LYZL4: variants seen among roughly 807,000 people sequenced by gnomAD.
The protein encoded by LYZL4 is lysozyme like 4.
LYZL4 carries 13 observed loss-of-function variants against 17.6 expected under a neutral mutation model. That is an observed-to-expected ratio of 0.74 (90% confidence interval 0.48 to 1.18). LYZL4 has a LOEUF of 1.18. LYZL4 is among the 50% of genes most tolerant of loss of function. LYZL4 has a pLI of 0.00. For synonymous variants in LYZL4, 64 were observed against 67.7 expected (o/e 0.95, Z 0.27); for missense variants, 174 against 188.2 (o/e 0.92, Z 0.44).
At chr3:42,406,395 C>T (rs922750588) in intron 3 of LYZL4, among the ~76,000 whole-genome samples, 7 of 139,046 alleles carry the variant, frequency 5.0e-5, no homozygotes, top group Non-Finnish European at 6.1e-5. Flanking sequence ...TGGAGCTTGC[C>T]GTGAGCCGAG....
At chr3:42,371,222 TA>T in the LYZL4 span, among the ~76,000 whole-genome samples, 1 of 152,214 alleles carries the variant, frequency 6.6e-6, no homozygotes, top group African/African-American at 2.4e-5. Flanking sequence ...TGCTGTGGTT[TA>T]TTGCCTTACT....
chr3:42,385,869 A>T, the LYZL4 span, among the ~76,000 whole-genome samples: 1 of 152,200 alleles, frequency 6.6e-6, no homozygotes, highest in African/African-American at 2.4e-5. Context: ...GTTGGTTTCT[A>T]TTGCTGCTGT....
At chr3:42,384,176 A>G in the LYZL4 span, among the ~76,000 whole-genome samples, 1 of 152,200 alleles carries the variant, frequency 6.6e-6, no homozygotes, top group African/African-American at 2.4e-5. Context: ...TTCTAGAGGA[A>G]AATTATTTTT....
At chr3:42,403,595 G>A (rs139426223) in intron 4 of LYZL4, among the ~76,000 whole-genome samples, 14 of 152,068 alleles carry the variant, frequency 9.2e-5, no homozygotes, top group East Asian at 7.7e-4. Flanking sequence ...CCTTTAAATC[G>A]CAAAAATGTT....
At chr3:42,381,379 G>A in the LYZL4 span, among the ~76,000 whole-genome samples, 3 of 152,090 alleles carry the variant, frequency 2.0e-5, no homozygotes, top group Admixed American at 1.3e-4. Context: ...TGCCCCCCAG[G>A]AATGAACTAA....
At chr3:42,366,024 T>C in the LYZL4 span, among the ~76,000 whole-genome samples, 2 of 152,088 alleles carry the variant, frequency 1.3e-5, no homozygotes, top group East Asian at 1.9e-4. Flanking sequence ...TACCTACTTC[T>C]GGAGAGGCTG....
rs560182265 is a variant in LYZL4 at position 42,408,358 on chromosome 3, C to T, written c.-92-1015G>A. Among the ~76,000 whole-genome samples, 3 of 152,312 alleles carry T rather than the reference C, an allele frequency of 2.0e-5. No homozygotes were observed. The East Asian group carries it at 5.8e-4, about 29-fold the overall frequency. On this transcript the variant is annotated intron_variant, in intron 1 of 4. Transcript: ENST00000287748. ...GGCACTCCCTCTCTGGATGCCTCTGCACCTCCCCACTCCATTCTCCAGGGA... is the reference window on the plus strand; with the variant it reads ...GGCACTCCCTCTCTGGATGCCTCTGTACCTCCCCACTCCATTCTCCAGGGA...
downstream of LYZL4, chr3:42,396,984 A>T (rs1698558769): frequency 4.0e-6 from 1 of 247,778 alleles, no homozygotes. Context: ...CCTTCCTTCA[A>T]TTCCTCCATA....
rs186334786 is a variant in LYZL4 at position 42,408,773 on chromosome 3, G to T, written c.-92-1430C>A. Among the ~76,000 whole-genome samples, 44 of 152,262 alleles carry T rather than the reference G, an allele frequency of 2.9e-4. No homozygotes were observed. In the East Asian group the frequency reaches 6.6e-3, roughly 23 times the overall value. The stretch of plus-strand genomic sequence containing the variant: ...CTGGCTGTATACACCTACACCGGGG[G>T]TTCTCAACCTTGGCACTTGGGCTGG... On this transcript the variant is annotated intron_variant, in intron 1 of 4. Transcript: ENST00000287748.
At chr3:42,374,110 G>GTTGC in the LYZL4 span, among the ~76,000 whole-genome samples, 2 of 152,108 alleles carry the variant, frequency 1.3e-5, no homozygotes, top group Admixed American at 1.3e-4. Flanking sequence ...ATAATTCTCA[G>GTTGC]TATTGCTATT....
At chr3:42,386,495 C>T in the LYZL4 span, among the ~76,000 whole-genome samples, 2 of 142,046 alleles carry the variant, frequency 1.4e-5, no homozygotes, top group Non-Finnish European at 3.0e-5. Context: ...AGATCTTTAA[C>T]TTAGTCACAT....
the LYZL4 span, among the ~76,000 whole-genome samples, chr3:42,380,742 AG>A: frequency 6.6e-6 from 1 of 152,216 alleles, no homozygotes; most frequent in Non-Finnish European, 1.5e-5. Context: ...GAGCTTCTGG[AG>A]TAAACTAGTC....
intron 4 of LYZL4, among the ~76,000 whole-genome samples, chr3:42,399,029 A>C (rs1698607497): frequency 6.6e-6 from 1 of 152,256 alleles, no homozygotes; most frequent in Admixed American, 6.5e-5. Flanking sequence ...CCAATAGAAA[A>C]ATGGACTAAG....
the LYZL4 span, among the ~76,000 whole-genome samples, chr3:42,369,763 C>T: frequency 0.042 from 6,382 of 152,308 alleles, 214 homozygotes; most frequent in Middle Eastern, 0.11. Context: ...TACCCCACAA[C>T]CCCTGCATGA....
chr3:42,385,775 G>A, the LYZL4 span, among the ~76,000 whole-genome samples: 6 of 152,156 alleles, frequency 3.9e-5, no homozygotes, highest in Admixed American at 6.5e-5. Flanking sequence ...ACACCTGTCT[G>A]CTTTCAAAGG....
chr3:42,386,043 C>T, the LYZL4 span, among the ~76,000 whole-genome samples: 1 of 152,260 alleles, frequency 6.6e-6, no homozygotes, highest in South Asian at 2.1e-4. Context: ...AGAGGCTGCA[C>T]CGTTCTGATT....
At chr3:42,369,947 A>G in the LYZL4 span, among the ~76,000 whole-genome samples, 1 of 152,130 alleles carries the variant, frequency 6.6e-6, no homozygotes, top group Non-Finnish European at 1.5e-5. Flanking sequence ...CTCGAGAGAT[A>G]GAGGTGGGAG....
the LYZL4 span, among the ~76,000 whole-genome samples, chr3:42,373,998 A>G: frequency 2.0e-5 from 3 of 152,236 alleles, no homozygotes; most frequent in African/African-American, 7.2e-5. Context: ...ATCCTCATGG[A>G]AAAAACACCC....
chr3:42,409,939 T>C (rs1698832568), intron 1 of LYZL4, among the ~76,000 whole-genome samples: 1 of 152,220 alleles, frequency 6.6e-6, no homozygotes, highest in African/African-American at 2.4e-5. Context: ...TTTCTTTTCC[T>C]TGAATATGCC....
Sources: gnomAD v4.1 joint callset for allele counts (sites outside exome capture counted in the v4.1 genomes callset) on GRCh38, gnomAD v4.1.1 for gene constraint, MANE v1.5 for transcripts, NCBI Gene and HGNC (gene_info 2026-07-23, HGNC 2026-07-21) for gene names.